MTHFD2L: variants seen among roughly 807,000 people sequenced by gnomAD.
MTHFD2L encodes the protein bifunctional methylenetetrahydrofolate dehydrogenase/cyclohydrolase 2, mitochondrial.
In MTHFD2L, 29 loss-of-function variants were observed where a neutral mutation model predicts 34.9. The ratio of observed to expected loss-of-function variants is 0.83; its 90% CI spans 0.62 to 1.13. The LOEUF (loss-of-function observed/expected upper bound fraction) is 1.13, where lower values mean the gene tolerates loss of function less well. MTHFD2L is among the 50% of genes most tolerant of loss of function. The probability of loss-of-function intolerance (pLI) is 0.00; values close to 1 mark genes in which losing one functional copy is unlikely to be tolerated. For missense variants in MTHFD2L, 481 were observed against 446.5 expected (o/e 1.08, Z -0.70); for synonymous variants, 167 against 155.7 (o/e 1.07, Z -0.54).
At chr4:74,231,797 CT>C (rs1740109759) in intron 6 of MTHFD2L, among the ~76,000 whole-genome samples, 1 of 152,042 alleles carries the variant, frequency 6.6e-6, no homozygotes, top group Non-Finnish European at 1.5e-5. Flanking sequence ...TATTTTTGAT[CT>C]TAACTATGCT....
upstream of MTHFD2L, among the ~76,000 whole-genome samples, chr4:74,119,153 C>T (rs1721707038): frequency 1.3e-5 from 2 of 152,056 alleles, no homozygotes; most frequent in African/African-American, 4.8e-5. Context: ...TGATGTACTT[C>T]AACTGTACAG....
intron 5 of MTHFD2L, among the ~76,000 whole-genome samples, chr4:74,219,580 T>A (rs1348724096): frequency 2.0e-5 from 3 of 152,126 alleles, no homozygotes; most frequent in Admixed American, 2.0e-4. Flanking sequence ...AATTTTCACA[T>A]GCCAAGGAAG....
In MTHFD2L at chr4:74,116,209, T is replaced by C. The variant is rs1721652960; in HGVS notation, c.-144+1552T>C. 4.6e-5 allele frequency among the ~76,000 whole-genome samples: 7 copies of C among 152,250 alleles called. No homozygotes were observed. In the South Asian group the frequency reaches 1.5e-3, roughly 32 times the overall value. On this transcript the variant is annotated intron_variant and NMD_transcript_variant, in intron 2 of 9. Coordinates refer to the MTHFD2L transcript ENST00000429519. ...TTTCTGCATCAGAACGCTGAGTGAG[T>C]GTGCACAGTAAGCAAAGGAGTATAC...
intron 6 of MTHFD2L, among the ~76,000 whole-genome samples, chr4:74,281,189 C>A (rs184614892): frequency 5.6e-4 from 85 of 152,214 alleles, no homozygotes; most frequent in South Asian, 1.0e-3. Context: ...GGTGAGCCAT[C>A]TCTGAAGTGA....
intron 1 of MTHFD2L, among the ~76,000 whole-genome samples, chr4:74,138,366 C>T (rs1723078106): frequency 6.6e-6 from 1 of 152,162 alleles, no homozygotes; most frequent in Non-Finnish European, 1.5e-5. Context: ...GGGCGGGCTG[C>T]TCCCAATACG....
At chr4:74,119,685 A>T (rs1195983045), upstream of MTHFD2L, among the ~76,000 whole-genome samples, 1 of 152,180 alleles carries the variant, frequency 6.6e-6, no homozygotes, top group African/African-American at 2.4e-5. Context: ...CAGGAGGCTG[A>T]AGCAGGAGAA....
intron 3 of MTHFD2L, among the ~76,000 whole-genome samples, chr4:74,178,165 C>A (rs1413454218): frequency 2.0e-5 from 3 of 152,074 alleles, no homozygotes; most frequent in African/African-American, 7.2e-5. Context: ...TTGTGGAGGT[C>A]TATTGTACAA....
chr4:74,232,081 A>G (rs1295347470), intron 6 of MTHFD2L, among the ~76,000 whole-genome samples: 3 of 152,198 alleles, frequency 2.0e-5, no homozygotes, highest in Non-Finnish European at 4.4e-5. Flanking sequence ...AAATCAGTTG[A>G]TTATTAAGCT....
Position 74,301,813 on chromosome 4 carries a change from A to G in MTHFD2L, c.*4A>G, listed in dbSNP as rs1326370699. On this transcript the variant is annotated 3_prime_UTR_variant, in exon 8 of 8. Transcript: ENST00000325278. ...AGCTAAAAAAATCATTTACTAGATC[A>G]CATGAAAGGATAAAGCAAACTGAAG... 6.3e-7 allele frequency: 1 copy of G among 1,577,874 alleles called. No individual in the cohort carries two copies.
intron 7 of MTHFD2L, among the ~76,000 whole-genome samples, chr4:74,284,676 T>C (rs1340734000): frequency 6.6e-6 from 1 of 152,012 alleles, no homozygotes; most frequent in Non-Finnish European, 1.5e-5. Context: ...GTGCAGAAGC[T>C]CTAAAAATCA....
intron 1 of MTHFD2L, among the ~76,000 whole-genome samples, chr4:74,131,563 A>T (rs182580206): frequency 2.0e-5 from 3 of 152,318 alleles, no homozygotes. Flanking sequence ...CCTTCCTCAC[A>T]CCTTAAACAA....
chr4:74,143,532 T>G, intron 1 of MTHFD2L: 1 of 644,954 alleles, frequency 1.6e-6, no homozygotes, highest in Non-Finnish European at 1.9e-6. Context: ...CACGGTTCCC[T>G]GGAACCCATG....
chr4:74,222,594 A>G (rs936459586), intron 5 of MTHFD2L, among the ~76,000 whole-genome samples: 2 of 152,112 alleles, frequency 1.3e-5, no homozygotes, highest in East Asian at 3.8e-4. Flanking sequence ...CATTCAAACC[A>G]TAGCTGTTTG....
intron 6 of MTHFD2L, among the ~76,000 whole-genome samples, chr4:74,240,697 T>G: frequency 6.6e-6 from 1 of 152,180 alleles, no homozygotes; most frequent in East Asian, 1.9e-4. Flanking sequence ...TTTTCTGAAT[T>G]CTCTAAATGA....
chr4:74,164,977 G>A, intron 1 of MTHFD2L: 7 of 985,358 alleles, frequency 7.1e-6, no homozygotes, highest in Non-Finnish European at 8.4e-6. Flanking sequence ...GGCACATCAT[G>A]TAAACAATAT....
At position 74,199,836 on chromosome 4, in the gene MTHFD2L, A is replaced by G. The variant is rs753536756; in HGVS notation, c.494A>G (p.Glu165Gly). ...ACAATATGCAATGGAATTGCCCCAGAAAAAGATGTAGATGGATTTCATATT... is the reference window on the plus strand; with the variant it reads ...ACAATATGCAATGGAATTGCCCCAGGAAAAGATGTAGATGGATTTCATATT... ...ERTICNGIAP[E>G]KDVDGFHIIN... The change falls in exon 4 of 8, where the codon GAA (glutamate) becomes GGA (glycine). Residue 165 changes from glutamate to glycine, a missense_variant. Physicochemically the swap from Glu to Gly is moderately conservative, Grantham distance 98. Coordinates refer to ENST00000325278, the MANE Select transcript of MTHFD2L (RefSeq NM_001144978.3). The G allele has an allele frequency of 2.5e-6, 4 of 1,613,220 alleles. No individual in the cohort carries two copies. The highest frequency in any genetic ancestry group is 3.4e-6 in the Non-Finnish European group (4 of 1,179,506).
intron 6 of MTHFD2L, chr4:74,267,366 C>A: frequency 4.3e-6 from 2 of 467,950 alleles, no homozygotes; most frequent in Non-Finnish European, 5.5e-6. Context: ...TTCTTCCTTT[C>A]TCTTTTTTCT....
intron 6 of MTHFD2L, among the ~76,000 whole-genome samples, chr4:74,270,615 G>T (rs1410010922): frequency 1.3e-5 from 2 of 152,168 alleles, no homozygotes; most frequent in Non-Finnish European, 2.9e-5. Flanking sequence ...ATTGTGAGTA[G>T]TGCCGCAATA....
intron 3 of MTHFD2L, among the ~76,000 whole-genome samples, chr4:74,186,301 C>T (rs1337929359): frequency 1.2e-4 from 18 of 151,686 alleles, no homozygotes; most frequent in Admixed American, 1.1e-3. Context: ...TGAGTGTTTT[C>T]CTCTTACAAT....
Sources: allele counts gnomAD v4.1 joint callset (sites outside exome capture counted in the v4.1 genomes callset), GRCh38; gene constraint gnomAD v4.1.1; transcripts MANE v1.5; gene names NCBI Gene and HGNC (gene_info 2026-07-23, HGNC 2026-07-21).